SPDL1: variants seen among roughly 807,000 people sequenced by gnomAD.
The protein encoded by SPDL1 is protein Spindly.
SPDL1 carries 85 observed loss-of-function variants against 79.5 expected under a neutral mutation model. The ratio of observed to expected loss-of-function variants is 1.07; its 90% CI spans 0.90 to 1.28. The LOEUF is 1.28. SPDL1 is among the 50% of genes most tolerant of loss of function. The pLI, the probability that SPDL1 is intolerant of heterozygous loss-of-function variation, is 0.00. For missense variants in SPDL1, 703 were observed against 697.8 expected (o/e 1.01, Z -0.08); for synonymous variants, 269 against 240.3 (o/e 1.12, Z -1.10).
rs140005442 is a variant in SPDL1, at chr5:169,596,559, A to G, written c.892-2A>G. 5.1e-4 allele frequency: 824 copies of G among 1,605,288 alleles called. 1 individual carries two copies. Among genetic ancestry groups the G allele is most frequent in the Non-Finnish European group, 5.1e-4 (602 of 1,176,814 alleles). On this transcript the variant is annotated splice_acceptor_variant, in intron 7 of 11. Transcript: ENST00000265295. LOFTEE classifies it high-confidence loss of function. ...TTAGAGGGGGTAATTTTATTTTTCT[A>G]GTTACAAATTGCCACGTTGCTACAG...
chr5:169,591,845 A>G (rs1217618538), intron 3 of SPDL1, among the ~76,000 whole-genome samples: 1 of 152,254 alleles, frequency 6.6e-6, no homozygotes, highest in East Asian at 1.9e-4. Context: ...GAATCACTAC[A>G]TAGTCTAACA....
At chr5:169,593,871 T>C (rs1030774511) in intron 4 of SPDL1, among the ~76,000 whole-genome samples, 7 of 152,196 alleles carry the variant, frequency 4.6e-5, no homozygotes, top group African/African-American at 1.2e-4. Context: ...TTGAAATGCA[T>C]GTGAACTTGG....
At chr5:169,596,245 G>A (rs1201666710) in intron 7 of SPDL1, 7 of 210,000 alleles carry the variant, frequency 3.3e-5, no homozygotes, top group Non-Finnish European at 6.6e-5. Context: ...ATGATAAGCA[G>A]TCTGCAGCGT....
chr5:169,587,107 A>G (rs17071479), intron 1 of SPDL1: 4,705 of 152,154 alleles, frequency 0.031, 98 homozygotes, highest in Middle Eastern at 0.071. Context: ...TTCTTCCCAG[A>G]TTCTTATTCT....
rs1278111889 is a variant in SPDL1, at chr5:169,604,103, A to G, written c.1714A>G (p.Lys572Glu). The G allele has an allele frequency of 6.2e-7, 1 of 1,613,248 alleles. No individual in the cohort carries two copies. The highest frequency in any genetic ancestry group is 8.5e-7 in the Non-Finnish European group (1 of 1,179,754). ...SKLQTEVKEG[K>E]ETSSKLEKET... ...GCTTCAAACAGAAGTTAAAGAAGGA[A>G]AAGAAACTTCAAGCAAATTGGAAAA... Residue 572 changes from lysine (K) to glutamate (E), a missense_variant, in exon 12 of 12, where the codon AAA becomes GAA. Physicochemically the swap from Lys to Glu is moderately conservative, Grantham distance 56 (BLOSUM62 1). Coordinates refer to ENST00000265295, the MANE Select transcript of SPDL1 (RefSeq NM_017785.5).
In SPDL1 at chr5:169,594,612, T is replaced by C. The variant is rs759482956; in HGVS notation, c.822T>C (p.Ser274=). Residue 274 remains serine, a synonymous_variant, in exon 7 of 12, where the codon AGT becomes AGC. Transcript: ENST00000265295. ...CAGCAATGGAACGTCAGCTCATCAG[T>C]ATGAAAGTCAAGTATCAGTCACTAA... ...RRAAMERQLI[S]MKVKYQSLKK... is the part of the protein sequence containing the mutation. 3.1e-6 allele frequency: 5 copies of C among 1,613,974 alleles called. No individual in the cohort carries two copies. The highest frequency in any genetic ancestry group is 2.2e-5 in the East Asian group (1 of 44,872).
At chr5:169,588,293 A>G (rs1755082528) in intron 1 of SPDL1, 101 bp from the exon 2 acceptor site, 2 of 754,906 alleles carry the variant, frequency 2.6e-6, no homozygotes, top group South Asian at 2.8e-5. Flanking sequence ...TAATGTTTTT[A>G]TACGACAGTA....
intron 2 of SPDL1, chr5:169,590,671 C>T: frequency 2.2e-6 from 1 of 456,626 alleles, no homozygotes; most frequent in Non-Finnish European, 4.4e-6. Flanking sequence ...GTGTTCAGAG[C>T]TACAAGTAGA....
chr5:169,602,017 T>C, intron 11 of SPDL1: 1 of 247,984 alleles, frequency 4.0e-6, no homozygotes, highest in South Asian at 5.1e-5. Flanking sequence ...AATTTCAGCC[T>C]TCTAGGAAAC....
At chr5:169,599,913 C>T (rs1755795755) in intron 10 of SPDL1, among the ~76,000 whole-genome samples, 1 of 152,034 alleles carries the variant, frequency 6.6e-6, no homozygotes, top group Non-Finnish European at 1.5e-5. Context: ...CCATTCTCCA[C>T]CAAAATGGGG....
intron 2 of SPDL1, among the ~76,000 whole-genome samples, chr5:169,590,493 A>G (rs1260768328): frequency 1.3e-5 from 2 of 152,192 alleles, no homozygotes; most frequent in Non-Finnish European, 2.9e-5. Context: ...AACATTTTTA[A>G]TGTCTAAACT....
At chr5:169,597,939 T>C (rs1755675402) in intron 8 of SPDL1, among the ~76,000 whole-genome samples, 1 of 152,152 alleles carries the variant, frequency 6.6e-6, no homozygotes, top group South Asian at 2.1e-4. Flanking sequence ...TGAAATTGTT[T>C]CAAGTTTTTA....
chr5:169,593,351 T>C lies in SPDL1; in HGVS notation c.337-3T>C. Reference sequence around the variant, plus strand: ...TTTATGACTTTTTTTTTTTTGGCTTTAGATAGAAAAACTGAAAGTGGAATT... The same window carrying C: ...TTTATGACTTTTTTTTTTTTGGCTTCAGATAGAAAAACTGAAAGTGGAATT... On this transcript the variant is annotated splice_polypyrimidine_tract_variant and splice_region_variant and intron_variant, in intron 3 of 11. Transcript: ENST00000265295. 6.3e-7 allele frequency: 1 copy of C among 1,582,298 alleles called. No individual in the cohort carries two copies. The highest frequency in any genetic ancestry group is 8.5e-7 in the Non-Finnish European group (1 of 1,170,298).
intron 2 of SPDL1, chr5:169,588,882 G>A (rs1223312715): frequency 5.7e-6 from 1 of 174,696 alleles, no homozygotes; most frequent in Admixed American, 6.2e-5. Context: ...ACATCTAAGT[G>A]CCCCATGACA....
In SPDL1 at chr5:169,601,574, C is replaced by A; in HGVS notation, c.1619C>A (p.Ala540Asp). Residue 540 changes from alanine to aspartate, a missense_variant, in exon 11 of 12, where the codon GCT becomes GAT. By Grantham distance (126) the Ala-to-Asp change is moderately radical. Coordinates refer to ENST00000265295, the MANE Select transcript of SPDL1 (RefSeq NM_017785.5). ...TGTGTGAAACTCATAGGAGTTCCCGCTGACGCTGAGGCCTTAAGTGAAAGA... is the reference window on the plus strand; with the variant it reads ...TGTGTGAAACTCATAGGAGTTCCCGATGACGCTGAGGCCTTAAGTGAAAGA... Reference protein sequence around the residue: ...KKCVKLIGVPADAEALSERSG... With the variant: ...KKCVKLIGVPDDAEALSERSG... 6.2e-7 allele frequency: 1 copy of A among 1,614,202 alleles called. No homozygotes were observed. The highest frequency in any genetic ancestry group is 8.5e-7 in the Non-Finnish European group (1 of 1,180,044).
At chr5:169,592,517 AATTAC>A (rs1755348209) in intron 3 of SPDL1, among the ~76,000 whole-genome samples, 1 of 152,102 alleles carries the variant, frequency 6.6e-6, no homozygotes, top group African/African-American at 2.4e-5. Flanking sequence ...GCCTGGCCAA[AATTAC>A]ATATTTAAGC....
intron 1 of SPDL1, chr5:169,584,275 A>G (rs1309685861): frequency 6.6e-6 from 1 of 151,708 alleles, no homozygotes; most frequent in Non-Finnish European, 1.5e-5. Flanking sequence ...TTTTATAATG[A>G]TTACATGTTG....
rs1032344587 is a variant in SPDL1, at chr5:169,601,515, G to T, written c.1560G>T (p.Leu520=). ...PVVSLSPHKN[L]PVDMQLKKEK... Reference sequence around the variant, plus strand: ...TCAGTCTCTCTCCTCACAAAAATCTGCCCGTGGATATGCAGCTGAAGAAGG... The same window carrying T: ...TCAGTCTCTCTCCTCACAAAAATCTTCCCGTGGATATGCAGCTGAAGAAGG... Residue 520 remains leucine, a synonymous_variant, in exon 11 of 12, where the codon CTG becomes CTT. Coordinates refer to ENST00000265295, the MANE Select transcript of SPDL1 (RefSeq NM_017785.5). 5 of 1,614,104 alleles carry T rather than the reference G, an allele frequency of 3.1e-6. No homozygotes were observed. Among genetic ancestry groups the T allele is most frequent in the Non-Finnish European group, 4.2e-6 (5 of 1,180,002 alleles).
intron 8 of SPDL1, 40 bp from the exon 9 acceptor site, chr5:169,598,432 ATTTG>A (rs778394090): frequency 7.3e-6 from 9 of 1,233,666 alleles, no homozygotes; most frequent in Non-Finnish European, 4.8e-6. Flanking sequence ...CACTAACCTT[ATTTG>A]TTATTTATTT....
Sources: allele counts gnomAD v4.1 joint callset (sites outside exome capture counted in the v4.1 genomes callset), GRCh38; gene constraint gnomAD v4.1.1; transcripts MANE v1.5; gene names NCBI Gene and HGNC (gene_info 2026-07-23, HGNC 2026-07-21).